The following PADI6 variants were observed in gnomAD, a reference collection of about 807,000 sequenced individuals.
PADI6 encodes the protein inactive protein-arginine deiminase type-6.
PADI6 carries 66 observed loss-of-function variants against 78.2 expected under a neutral mutation model. The observed-to-expected ratio is 0.84, with a 90% confidence interval of 0.69 to 1.04. PADI6 has a LOEUF of 1.04. Ranked by LOEUF, PADI6 falls within the 50% of genes least tolerant of loss-of-function variation. The probability of loss-of-function intolerance (pLI) is 0.00; values close to 1 mark genes in which losing one functional copy is unlikely to be tolerated. For missense variants in PADI6, 854 were observed against 866.1 expected (o/e 0.99, Z 0.18); for synonymous variants, 397 against 346.9 (o/e 1.14, Z -1.60).
At chr1:17,396,732 G>A (rs921356906) in intron 13 of PADI6, among the ~76,000 whole-genome samples, 5 of 152,212 alleles carry the variant, frequency 3.3e-5, no homozygotes, top group African/African-American at 9.6e-5. Flanking sequence ...GGCAGAAAGT[G>A]CCAGGTTGTA....
At chr1:17,401,056 GCT>G in intron 15 of PADI6, 147 bp from the exon 16 acceptor site, 1 of 663,978 alleles carries the variant, frequency 1.5e-6, no homozygotes, top group Non-Finnish European at 2.6e-6. Context: ...CCATTGTAGG[GCT>G]AAGCAAAAGT....
At chr1:17,388,962 G>A (rs1557603941) in intron 8 of PADI6, 82 bp downstream of exon 8, 1 of 1,125,664 alleles carries the variant, frequency 8.9e-7, no homozygotes. Context: ...CAGGGTGGGT[G>A]AAGATGACTA....
At chr1:17,393,681 C>G (rs2100319571) in intron 9 of PADI6, among the ~76,000 whole-genome samples, 1 of 152,218 alleles carries the variant, frequency 6.6e-6, no homozygotes, top group East Asian at 1.9e-4. Flanking sequence ...CACCATGTTT[C>G]CCAGGCTGGT....
chr1:17,396,883 C>G (rs576425768), intron 13 of PADI6, among the ~76,000 whole-genome samples, 188 bp from the exon 14 acceptor site: 3 of 152,194 alleles, frequency 2.0e-5, no homozygotes, highest in Admixed American at 1.3e-4. Context: ...CTGGTGTAGA[C>G]CCTGGTCAGT....
At chr1:17,394,513 G>GC (rs2075225978) in intron 11 of PADI6, 59 bp downstream of exon 11, 3 of 1,550,300 alleles carry the variant, frequency 1.9e-6, no homozygotes, top group Non-Finnish European at 2.6e-6. Context: ...CGTTCCCCTG[G>GC]CCCCGCCTGC....
rs773685317 is a variant in PADI6, at chr1:17,388,567, C to T, written c.858+8C>T. 1.9e-6 allele frequency: 3 copies of T among 1,600,192 alleles called. No homozygotes were observed. The highest frequency in any genetic ancestry group is 2.6e-6 in the Non-Finnish European group (3 of 1,169,052). On this transcript the variant is annotated splice_region_variant and intron_variant, in intron 7 of 15. Coordinates refer to ENST00000619609, the MANE Select transcript of PADI6 (RefSeq NM_207421.4). ...GAGGAGTCTCAAGACCCGGTATGTC[C>T]CCATAATAGATGGGTCCTCAGACTA...
intron 6 of PADI6, among the ~76,000 whole-genome samples, chr1:17,382,731 T>C (rs759588169): frequency 1.3e-5 from 2 of 152,212 alleles, no homozygotes; most frequent in Non-Finnish European, 2.9e-5. Flanking sequence ...AAATCTCTCA[T>C]TGAGAGCTAG....
chr1:17,373,459 C>T (rs1286025324), intron 2 of PADI6, among the ~76,000 whole-genome samples: 3 of 152,078 alleles, frequency 2.0e-5, no homozygotes, highest in Non-Finnish European at 2.9e-5. Context: ...AGTCAGCAAC[C>T]AGCAGGACTG....
chr1:17,386,295 T>A (rs1198896321), intron 6 of PADI6, among the ~76,000 whole-genome samples: 1 of 152,188 alleles, frequency 6.6e-6, no homozygotes. Context: ...CACAGTGAAA[T>A]GTTAGCTATG....
intron 1 of PADI6, 149 bp from the exon 2 acceptor site, chr1:17,372,907 G>C (rs980391167): frequency 1.3e-6 from 1 of 751,714 alleles, no homozygotes; most frequent in African/African-American, 1.8e-5. Flanking sequence ...TTTGGGAGGG[G>C]GTGGGTAGGA....
intron 8 of PADI6, among the ~76,000 whole-genome samples, chr1:17,390,213 A>C (rs1225084007): frequency 1.3e-5 from 2 of 152,092 alleles, no homozygotes; most frequent in African/African-American, 2.4e-5. Context: ...AGGCAGGAGA[A>C]TCACTTGAAC....
intron 15 of PADI6, among the ~76,000 whole-genome samples, chr1:17,400,208 C>CAA (rs34308317): frequency 7.4e-6 from 1 of 135,612 alleles, no homozygotes; most frequent in Non-Finnish European, 1.6e-5. Flanking sequence ...TAAACCAAAC[C>CAA]AAAAAAAAAA....
At chr1:17,398,869 C>T (rs1178047597) in intron 15 of PADI6, 22 bp downstream of exon 15, 3 of 1,610,508 alleles carry the variant, frequency 1.9e-6, no homozygotes, top group Non-Finnish European at 2.5e-6. Context: ...CTGCGCATCC[C>T]TGGGTGGGGG....
In PADI6 at chr1:17,388,757, A is replaced by G; in HGVS notation, c.859-20A>G. ...GTAAATGTGGAAGCAGGTTGCTAAC[A>G]GGACCTTGTCTTGTTGCAGTCAATT... is the stretch of plus-strand genomic sequence containing the variant. On this transcript the variant is annotated intron_variant, in intron 7 of 15. Coordinates refer to ENST00000619609, the MANE Select transcript of PADI6 (RefSeq NM_207421.4). 6.2e-7 allele frequency: 1 copy of G among 1,608,522 alleles called. No homozygotes were observed. The highest frequency in any genetic ancestry group is 8.5e-7 in the Non-Finnish European group (1 of 1,176,444).
intron 6 of PADI6, among the ~76,000 whole-genome samples, chr1:17,387,707 C>T (rs1358436583): frequency 4.6e-5 from 7 of 152,118 alleles, no homozygotes; most frequent in Non-Finnish European, 5.9e-5. Flanking sequence ...GCTGAGATCA[C>T]GCCACTACAC....
At chr1:17,375,055 G>C (rs2075002015) in intron 2 of PADI6, among the ~76,000 whole-genome samples, 1 of 152,172 alleles carries the variant, frequency 6.6e-6, no homozygotes, top group Non-Finnish European at 1.5e-5. Flanking sequence ...AGGAGAGTGG[G>C]TTTAGCAGGG....
In PADI6 at chr1:17,388,275, TCA is replaced by T. The variant is rs543072253; in HGVS notation, c.680-103_680-102del. On this transcript the variant is annotated intron_variant, in intron 6 of 15. Coordinates refer to ENST00000619609, the MANE Select transcript of PADI6 (RefSeq NM_207421.4). Reference sequence around the variant, plus strand: ...ATTTCAGCTCCAGCCCTCCTGGAACTCACAGCCTTGCATCTGATATGAGGAAT... The same window carrying T: ...ATTTCAGCTCCAGCCCTCCTGGAACTCAGCCTTGCATCTGATATGAGGAAT... 5.3e-4 allele frequency: 588 copies of T among 1,100,212 alleles called. 2 individuals are homozygous for T. In the African/African-American group the frequency reaches 8.2e-3, roughly 15 times the overall value. The allele number at this position is 1,100,212 out of a possible 1,614,324, so 68.2% of individuals were successfully genotyped here.
chr1:17,397,275 C>CT, intron 14 of PADI6, 134 bp downstream of exon 14: 2 of 950,308 alleles, frequency 2.1e-6, no homozygotes, highest in Non-Finnish European at 3.2e-6. Context: ...CCCTTTCTTC[C>CT]AGGTCTTGAT....
chr1:17,395,212 T>TG, intron 12 of PADI6, 105 bp downstream of exon 12: 2 of 1,351,954 alleles, frequency 1.5e-6, no homozygotes, highest in Non-Finnish European at 9.8e-7. Flanking sequence ...TTTTTTTTTT[T>TG]TTGTTTGTTT....
Sources: allele counts gnomAD v4.1 joint callset (sites outside exome capture counted in the v4.1 genomes callset), GRCh38; gene constraint gnomAD v4.1.1; transcripts MANE v1.5; gene names NCBI Gene and HGNC (gene_info 2026-07-23, HGNC 2026-07-21).